Variants in EYS observed in about 807,000 individuals in gnomAD.
EYS encodes the protein protein eyes shut homolog.
Under a neutral mutation model 282.1 loss-of-function variants are expected in EYS, and 250 were observed. The ratio of observed to expected loss-of-function variants is 0.89; its 90% CI spans 0.80 to 0.98. The LOEUF is 0.98. Ranked by LOEUF, EYS falls within the 50% of genes least tolerant of loss-of-function variation. The pLI, the probability that EYS is intolerant of heterozygous loss-of-function variation, is 0.00. For synonymous variants in EYS, 1,355 were observed against 1,282.9 expected (o/e 1.06, Z -1.20); for missense variants, 4,016 against 3,709.0 (o/e 1.08, Z -2.15).
chr6:65,260,597 T>A (rs1203577303), intron 12 of EYS, among the ~76,000 whole-genome samples: 1 of 152,114 alleles, frequency 6.6e-6, no homozygotes, highest in Non-Finnish European at 1.5e-5. Context: ...TGTTTATTTT[T>A]TAATCCATCA....
chr6:64,027,860 G>T (rs1769609745), intron 33 of EYS, among the ~76,000 whole-genome samples: 1 of 152,142 alleles, frequency 6.6e-6, no homozygotes, highest in South Asian at 2.1e-4. Context: ...CCCTCACTGA[G>T]CCCCGGGTAT....
intron 15 of EYS, among the ~76,000 whole-genome samples, chr6:64,922,219 CA>C (rs1329774015): frequency 6.6e-6 from 1 of 152,204 alleles, no homozygotes; most frequent in Non-Finnish European, 1.5e-5. Context: ...TGTTCACACA[CA>C]AGCAATTGAA....
intron 7 of EYS, among the ~76,000 whole-genome samples, chr6:65,395,059 T>C (rs1407333118): frequency 1.3e-5 from 2 of 152,206 alleles, no homozygotes; most frequent in Non-Finnish European, 2.9e-5. Context: ...AACCTTACTT[T>C]ATTTGTTTGT....
At position 64,902,636 on chromosome 6, in the gene EYS, C is replaced by T. The variant is rs79920226; in HGVS notation, c.2642-136G>A. 6.7e-3 allele frequency: 3,626 copies of T among 541,390 alleles called. 112 individuals are homozygous for T. The highest frequency in any genetic ancestry group is 0.065 in the African/African-American group (3,263 of 49,870). The allele number at this position is 541,390 out of a possible 1,614,324, so 33.5% of individuals were successfully genotyped here. On this transcript the variant is annotated intron_variant, in intron 16 of 42. Transcript: ENST00000503581. ...AAAGAAAATAATTACTCTCAAGCTT[C>T]TCATAAAACTCCATTTCACATAATG...
At chr6:65,157,646 G>GA (rs150243899) in intron 12 of EYS, among the ~76,000 whole-genome samples, 1,600 of 150,638 alleles carry the variant, frequency 0.011, 27 homozygotes, top group African/African-American at 0.037. Context: ...GTCTGGGTTA[G>GA]AAAAATGCAT....
chr6:64,830,507 G>A (rs990722812), intron 19 of EYS, among the ~76,000 whole-genome samples: 1 of 151,940 alleles, frequency 6.6e-6, no homozygotes, highest in East Asian at 1.9e-4. Context: ...TGTCAGGCAT[G>A]AGTTTCTAGA....
chr6:63,815,823 G>A (rs1771164000), intron 36 of EYS, among the ~76,000 whole-genome samples: 1 of 151,964 alleles, frequency 6.6e-6, no homozygotes, highest in African/African-American at 2.4e-5. Context: ...CAAATATACA[G>A]GTCATTGACA....
chr6:64,687,230 A>G (rs113146394), intron 22 of EYS, among the ~76,000 whole-genome samples: 5 of 152,028 alleles, frequency 3.3e-5, no homozygotes, highest in African/African-American at 1.2e-4. Context: ...TGACAAATAT[A>G]TTTTAAGAAA....
intron 31 of EYS, among the ~76,000 whole-genome samples, chr6:64,121,626 A>G (rs79776208): frequency 0.049 from 7,436 of 152,230 alleles, 556 homozygotes; most frequent in African/African-American, 0.16. Flanking sequence ...TTATCTCTCT[A>G]ATGTTGAGGA....
intron 30 of EYS, among the ~76,000 whole-genome samples, chr6:64,289,593 G>A (rs1301929788): frequency 6.6e-6 from 1 of 151,898 alleles, no homozygotes; most frequent in Non-Finnish European, 1.5e-5. Flanking sequence ...GCTGGGTTTG[G>A]GTATTTTTCC....
intron 13 of EYS, among the ~76,000 whole-genome samples, chr6:65,000,694 C>T (rs1037488360): frequency 3.9e-5 from 6 of 152,176 alleles, no homozygotes; most frequent in Non-Finnish European, 7.3e-5. Context: ...AGGACAATTG[C>T]TTGAACCTGG....
intron 31 of EYS, among the ~76,000 whole-genome samples, chr6:64,151,311 G>GTGTA (rs1774698602): frequency 8.0e-5 from 7 of 87,170 alleles, no homozygotes; most frequent in Admixed American, 4.4e-4. Context: ...GTGTGTGTGT[G>GTGTA]TATATTTATA....
At chr6:63,986,737 T>C (rs1767385804) in intron 34 of EYS, among the ~76,000 whole-genome samples, 1 of 151,550 alleles carries the variant, frequency 6.6e-6, no homozygotes, top group African/African-American at 2.4e-5. Flanking sequence ...TGGGAGCTTA[T>C]GAACACAAAG....
chr6:63,773,644 G>GCTCTT (rs2149662103), intron 40 of EYS, among the ~76,000 whole-genome samples: 1 of 152,272 alleles, frequency 6.6e-6, no homozygotes, highest in East Asian at 1.9e-4. Context: ...AGAGCAAAGA[G>GCTCTT]GATTTTAGGA....
chr6:65,244,221 C>T (rs375442667), intron 12 of EYS, among the ~76,000 whole-genome samples: 4 of 152,110 alleles, frequency 2.6e-5, no homozygotes, highest in South Asian at 4.1e-4. Context: ...TAGAAGAGGT[C>T]ATTGGTACGA....
chr6:65,064,834 G>GA (rs1223676174), intron 12 of EYS, among the ~76,000 whole-genome samples: 2 of 152,018 alleles, frequency 1.3e-5, no homozygotes, highest in Non-Finnish European at 2.9e-5. Flanking sequence ...AGATAAATTG[G>GA]AAAAATTGTA....
At chr6:64,046,361 G>GTT (rs141313006) in intron 33 of EYS, among the ~76,000 whole-genome samples, 37 of 152,000 alleles carry the variant, frequency 2.4e-4, no homozygotes, top group African/African-American at 8.7e-4. Context: ...TGATTTATCT[G>GTT]TTTCTCTCTC....
intron 16 of EYS, among the ~76,000 whole-genome samples, chr6:64,908,513 T>A (rs1562253785): frequency 6.6e-6 from 1 of 151,810 alleles, no homozygotes; most frequent in East Asian, 2.0e-4. Flanking sequence ...CCACACTCAG[T>A]GGGTCCCAAG....
At chr6:65,353,197 C>T (rs1764352672) in intron 9 of EYS, among the ~76,000 whole-genome samples, 1 of 151,944 alleles carries the variant, frequency 6.6e-6, no homozygotes, top group Non-Finnish European at 1.5e-5. Context: ...TCCCTTCCAA[C>T]AAATGGATTT....
Sources: gnomAD v4.1 joint callset for allele counts (sites outside exome capture counted in the v4.1 genomes callset) on GRCh38, gnomAD v4.1.1 for gene constraint, MANE v1.5 for transcripts, NCBI Gene and HGNC (gene_info 2026-07-23, HGNC 2026-07-21) for gene names.